The following FAM13B variants were observed in gnomAD, a reference collection of about 807,000 sequenced individuals.
FAM13B encodes the protein family with sequence similarity 13 member B, also known as protein FAM13B.
Under a neutral mutation model 117.3 loss-of-function variants are expected in FAM13B, and 60 were observed. The ratio of observed to expected loss-of-function variants is 0.51; its 90% CI spans 0.42 to 0.63. FAM13B has a LOEUF of 0.63. FAM13B is among the 30% of genes least tolerant of loss of function. The pLI, the probability that FAM13B is intolerant of heterozygous loss-of-function variation, is 0.00. For missense variants in FAM13B, 972 were observed against 1,091.9 expected (o/e 0.89, Z 1.55); for synonymous variants, 332 against 356.1 (o/e 0.93, Z 0.76).
At chr5:138,030,938 C>T (rs1450107493) in intron 1 of FAM13B, among the ~76,000 whole-genome samples, 1 of 151,768 alleles carries the variant, frequency 6.6e-6, no homozygotes, top group Non-Finnish European at 1.5e-5. Flanking sequence ...GAGGCTAAGT[C>T]AGAAGAATCG....
intron 14 of FAM13B, 34 bp downstream of exon 14, chr5:137,956,443 G>T (rs757029664): frequency 2.0e-6 from 2 of 992,596 alleles, no homozygotes; most frequent in Middle Eastern, 2.2e-4. Context: ...ACCATAAAAG[G>T]CAAAAAAACT....
At chr5:138,025,070 C>T (rs998752672) in intron 1 of FAM13B, among the ~76,000 whole-genome samples, 6 of 151,680 alleles carry the variant, frequency 4.0e-5, no homozygotes, top group Admixed American at 1.3e-4. Context: ...GATGGAGTTT[C>T]ACCACGTTGG....
At chr5:138,007,233 CACAA>C in intron 6 of FAM13B, 86 bp from the exon 7 acceptor site, 4 of 1,032,248 alleles carry the variant, frequency 3.9e-6, no homozygotes, top group Non-Finnish European at 5.4e-6. Flanking sequence ...AAATTTTAAA[CACAA>C]ACAACTCATT....
chr5:138,023,569 C>T (rs909268752), intron 1 of FAM13B, among the ~76,000 whole-genome samples: 4 of 152,008 alleles, frequency 2.6e-5, no homozygotes, highest in South Asian at 2.1e-4. Flanking sequence ...CACATTCTGG[C>T]GCTCAAACTG....
At chr5:138,046,775 C>A (rs1280277518) in intron 1 of FAM13B, among the ~76,000 whole-genome samples, 1 of 151,738 alleles carries the variant, frequency 6.6e-6, no homozygotes, top group Non-Finnish European at 1.5e-5. Context: ...GAAATGGAGT[C>A]CCACTCTGTC....
upstream of FAM13B, among the ~76,000 whole-genome samples, chr5:138,037,753 G>C (rs545309544): frequency 6.6e-6 from 1 of 152,130 alleles, no homozygotes; most frequent in Non-Finnish European, 1.5e-5. Context: ...GTTCAGTCAA[G>C]GCTGCCTTGT....
At chr5:138,021,890 G>T (rs1786827391) in intron 1 of FAM13B, among the ~76,000 whole-genome samples, 1 of 152,136 alleles carries the variant, frequency 6.6e-6, no homozygotes, top group African/African-American at 2.4e-5. Flanking sequence ...GCCAAGGTGG[G>T]AGGATCACTT....
rs1777731502 is a variant in FAM13B at position 137,988,269 on chromosome 5, C to T, written c.890+5G>A. The T allele has an allele frequency of 6.5e-7, 1 of 1,543,322 alleles. No individual in the cohort carries two copies. Among genetic ancestry groups the T allele is most frequent in the South Asian group, 1.2e-5 (1 of 80,374 alleles). On this transcript the variant is annotated splice_donor_5th_base_variant and intron_variant, in intron 8 of 23. Coordinates refer to ENST00000689681, the MANE Select transcript of FAM13B (RefSeq NM_001385994.1). Reference sequence around the variant, plus strand: ...AAATTTGTCTTCTATAAATATACTACTTACTCTGTAGAGGCTGGTAGGATG... The same window carrying T: ...AAATTTGTCTTCTATAAATATACTATTTACTCTGTAGAGGCTGGTAGGATG...
At chr5:138,023,065 C>G (rs75764801) in intron 1 of FAM13B, among the ~76,000 whole-genome samples, 3,236 of 152,218 alleles carry the variant, frequency 0.021, 68 homozygotes, top group Non-Finnish European at 0.029. Context: ...CAATCCCTCC[C>G]ACCTTGCTGG....
At chr5:138,033,166 C>G (rs1014787522), upstream of FAM13B, 10 of 535,088 alleles carry the variant, frequency 1.9e-5, no homozygotes, top group African/African-American at 2.1e-4. Context: ...GGGTCCCCAC[C>G]CCCACAGCAT....
At chr5:138,005,306 C>T (rs2150822149) in intron 7 of FAM13B, among the ~76,000 whole-genome samples, 1 of 152,208 alleles carries the variant, frequency 6.6e-6, no homozygotes, top group East Asian at 1.9e-4. Context: ...GCTGTAAGGT[C>T]CTCAAGAAAA....
chr5:138,012,129 T>C (rs1311588769), intron 4 of FAM13B, among the ~76,000 whole-genome samples, 184 bp from the exon 5 acceptor site: 1 of 151,308 alleles, frequency 6.6e-6, no homozygotes, highest in Non-Finnish European at 1.5e-5. Context: ...GGAGAAGAGG[T>C]GGAGAAGAGG....
At chr5:138,045,887 G>A (rs536448242) in intron 1 of FAM13B, among the ~76,000 whole-genome samples, 49 of 151,560 alleles carry the variant, frequency 3.2e-4, no homozygotes, top group Non-Finnish European at 6.8e-4. Context: ...AGAGGTTGCA[G>A]TGAGCCAAGA....
rs148178793 is a variant in FAM13B, at chr5:137,958,210, G to A, written c.1441+1406C>T. Among the ~76,000 whole-genome samples the A allele has an allele frequency of 2.6e-5, 4 of 152,324 alleles. No individual in the cohort carries two copies. In the East Asian group the frequency reaches 7.7e-4, roughly 29 times the overall value. On this transcript the variant is annotated intron_variant, in intron 13 of 23. Coordinates refer to ENST00000689681, the MANE Select transcript of FAM13B (RefSeq NM_001385994.1). ...TTTAATCTTCAACTGCCACCAGTAT[G>A]CTAACATATCCCCCAACACTGGGAA...
At chr5:138,035,309 C>G (rs1285543432), upstream of FAM13B, among the ~76,000 whole-genome samples, 3 of 151,968 alleles carry the variant, frequency 2.0e-5, no homozygotes, top group Non-Finnish European at 4.4e-5. Context: ...CCGTGCCCGG[C>G]CTCCCTTGCG....
chr5:137,988,868 C>T lies in FAM13B; in HGVS notation c.849-553G>A, dbSNP rs890383107. On this transcript the variant is annotated intron_variant, in intron 7 of 23. Transcript: ENST00000689681. ...AACTATTTTTCACACAAAAAGACCC[C>T]CAAATATATATACTTGTGGGGGTGA... Among the ~76,000 whole-genome samples, 12 of 152,154 alleles carry T rather than the reference C, an allele frequency of 7.9e-5. 1 individual carries two copies. The highest frequency in any genetic ancestry group is 2.9e-4 in the African/African-American group (12 of 41,436).
chr5:137,984,778 C>CT (rs915570583), intron 10 of FAM13B, among the ~76,000 whole-genome samples: 6 of 143,246 alleles, frequency 4.2e-5, no homozygotes, highest in East Asian at 2.1e-4. Flanking sequence ...TTTTTTTTTT[C>CT]TTTTTTTTGA....
chr5:138,030,885 TAGTC>T (rs1365074307), intron 1 of FAM13B, among the ~76,000 whole-genome samples: 1 of 151,674 alleles, frequency 6.6e-6, no homozygotes, highest in Non-Finnish European at 1.5e-5. Flanking sequence ...ATACAAAAAT[TAGTC>T]AGGCGCAGTG....
chr5:137,947,502 A>C (rs1202989442), intron 18 of FAM13B, among the ~76,000 whole-genome samples: 1 of 152,202 alleles, frequency 6.6e-6, no homozygotes, highest in Non-Finnish European at 1.5e-5. Context: ...AATCTCAGCA[A>C]TTAAGGCCAT....
Sources: allele counts gnomAD v4.1 joint callset (sites outside exome capture counted in the v4.1 genomes callset), GRCh38; gene constraint gnomAD v4.1.1; transcripts MANE v1.5; gene names NCBI Gene and HGNC (gene_info 2026-07-23, HGNC 2026-07-21).